Variants in FGF21 observed in about 807,000 individuals in gnomAD.
FGF21 encodes the protein fibroblast growth factor 21.
FGF21 carries 13 observed loss-of-function variants against 13.4 expected under a neutral mutation model. The ratio of observed to expected loss-of-function variants is 0.97; its 90% confidence interval spans 0.63 to 1.54. FGF21 has a LOEUF of 1.54. Among genes scored for constraint, FGF21 ranks in the 40% most tolerant of loss-of-function variants. The pLI, the probability that FGF21 is intolerant of heterozygous loss-of-function variation, is 0.00. For missense variants in FGF21, 303 were observed against 272.4 expected (o/e 1.11, Z -0.79); for synonymous variants, 124 against 123.6 (o/e 1.00, Z -0.02).
chr19:48,756,833 TG>T, intron 2 of FGF21, 92 bp from the exon 3 acceptor site: 1 of 1,033,564 alleles, frequency 9.7e-7, no homozygotes, highest in Non-Finnish European at 1.5e-6. Flanking sequence ...CTCCCAGGGC[TG>T]GGACAGAGCC....
chr19:48,757,786 G>C, intron 3 of FGF21, 144 bp from the exon 4 acceptor site: 1 of 683,476 alleles, frequency 1.5e-6, no homozygotes, highest in Non-Finnish European at 2.4e-6. Context: ...GGAGAAACTA[G>C]GGTCTGGACC....
At chr19:48,755,809 C>G (rs2231860) in intron 1 of FGF21, 25 bp downstream of exon 1, 21 of 170,276 alleles carry the variant, frequency 1.2e-4, no homozygotes, top group Admixed American at 5.9e-4. Context: ...AGATCCTTCT[C>G]TCTGAGACTC....
chr19:48,756,247 A>G lies in FGF21; in HGVS notation c.11A>G (p.Asp4Gly). Residue 4 changes from aspartate to glycine, a missense_variant, in exon 2 of 4, where the codon GAC (aspartate) becomes GGC (glycine). Physicochemically the swap from Asp to Gly is moderately conservative, Grantham distance 94. Coordinates refer to ENST00000593756, the MANE Select transcript of FGF21 (RefSeq NM_019113.4). The stretch of plus-strand genomic sequence containing the variant: ...GGACCCGAGCCATTGATGGACTCGG[A>G]CGAGACCGGGTTCGAGCACTCAGGA... MDS[D>G]ETGFEHSGLW... 6.2e-7 allele frequency: 1 copy of G among 1,613,420 alleles called. No individual in the cohort carries two copies. The highest frequency in any genetic ancestry group is 1.7e-5 in the Admixed American group (1 of 59,998).
intron 3 of FGF21, among the ~76,000 whole-genome samples, 187 bp downstream of exon 3, chr19:48,757,216 G>A (rs922273566): frequency 6.6e-6 from 1 of 152,236 alleles, no homozygotes; most frequent in Non-Finnish European, 1.5e-5. Flanking sequence ...GGAAACTGAG[G>A]CCCAGGCCGG....
chr19:48,758,010 C>T lies in FGF21; in HGVS notation c.420C>T (p.His140=), dbSNP rs3745710. 0.078 allele frequency: 125,521 copies of T among 1,612,478 alleles called. 5,591 individuals are homozygous for T. The highest frequency in any genetic ancestry group is 0.12 in the Admixed American group (7,385 of 59,864). ...ACAATGTTTACCAGTCCGAAGCCCA[C>T]GGCCTCCCGCTGCACCTGCCAGGGA... ...DGYNVYQSEA[H]GLPLHLPGNK... is the part of the protein sequence containing the mutation. Residue 140 remains histidine, a synonymous_variant, in exon 4 of 4, where the codon CAC becomes CAT. Transcript: ENST00000593756.
At position 48,756,381 on chromosome 19, in the gene FGF21, C is replaced by A. The variant is rs1231357114; in HGVS notation, c.145C>A (p.Leu49Ile). ...CGGGGGCCAAGTCCGGCAGCGGTACCTCTACACAGATGATGCCCAGCAGAC... is the reference window on the plus strand; with the variant it reads ...CGGGGGCCAAGTCCGGCAGCGGTACATCTACACAGATGATGCCCAGCAGAC... Reference protein sequence around the residue: ...QFGGQVRQRYLYTDDAQQTEA... With the variant: ...QFGGQVRQRYIYTDDAQQTEA... Residue 49 changes from leucine (L) to isoleucine (I), a missense_variant, in exon 2 of 4, where the codon CTC (leucine) becomes ATC (isoleucine). Physicochemically the swap from Leu to Ile is conservative, Grantham distance 5. Transcript: ENST00000593756. The A allele has an allele frequency of 4.3e-6, 7 of 1,614,042 alleles. No homozygotes were observed. Among genetic ancestry groups the A allele is most frequent in the Non-Finnish European group, 5.9e-6 (7 of 1,180,034 alleles).
chr19:48,757,844 AG>A, intron 3 of FGF21, 85 bp from the exon 4 acceptor site: 1 of 1,334,784 alleles, frequency 7.5e-7, no homozygotes, highest in Non-Finnish European at 1.0e-6. Flanking sequence ...CCTGGGTCTG[AG>A]GGAGGCAGGG....
chr19:48,758,163 G>A lies in FGF21; in HGVS notation c.573G>A (p.Ser191=), dbSNP rs151216283. 6.5e-4 allele frequency: 1,042 copies of A among 1,612,150 alleles called. No homozygotes were observed. Among genetic ancestry groups the A allele is most frequent in the Admixed American group, 1.7e-3 (104 of 59,962 alleles). ...LAPQPPDVGS[S]DPLSMVGPSQ... is the part of the protein sequence containing the mutation. The stretch of plus-strand genomic sequence containing the variant: ...CCCAGCCCCCCGATGTGGGCTCCTC[G>A]GACCCTCTGAGCATGGTGGGACCTT... Residue 191 remains serine, a synonymous_variant, in exon 4 of 4, where the codon TCG becomes TCA. Coordinates refer to ENST00000593756, the MANE Select transcript of FGF21 (RefSeq NM_019113.4).
rs944316773 is a variant in FGF21 at position 48,756,088 on chromosome 19, T to G, written c.-149T>G. 2.5e-5 allele frequency: 16 copies of G among 633,304 alleles called. No individual in the cohort carries two copies. The African/African-American group carries it at 2.8e-4, about 11-fold the overall frequency. The allele number at this position is 633,304 out of a possible 1,614,324, so 39.2% of individuals were successfully genotyped here. A position where few individuals can be genotyped will look rare whatever the true frequency, so the allele number is the denominator to read the frequency against. ...TCTATCCCAAAAAACAAGGGTGTTC[T>G]GTCAGCTGAGGATCCAGCCGAAAGA... On this transcript the variant is annotated 5_prime_UTR_variant, in exon 2 of 4. Coordinates refer to ENST00000593756, the MANE Select transcript of FGF21 (RefSeq NM_019113.4).
intron 2 of FGF21, among the ~76,000 whole-genome samples, chr19:48,756,724 G>A (rs1163364604): frequency 6.6e-6 from 1 of 151,722 alleles, no homozygotes; most frequent in Non-Finnish European, 1.5e-5. Context: ...GTTTGAAGGA[G>A]GAAGGGCTGG....
Position 48,756,445 on chromosome 19 carries a change from G to A in FGF21, c.209G>A (p.Gly70Glu). The A allele has an allele frequency of 6.2e-7, 1 of 1,613,436 alleles. No individual in the cohort carries two copies. Among genetic ancestry groups the A allele is most frequent in the East Asian group, 2.2e-5 (1 of 44,880 alleles). The change falls in exon 2 of 4, where the codon GGG becomes GAG. Residue 70 changes from glycine to glutamate, a missense_variant. Physicochemically the swap from Gly to Glu is moderately conservative, Grantham distance 98. Transcript: ENST00000593756. ...HLEIREDGTV[G>E]GAADQSPESL... ...GAGATCAGGGAGGATGGGACGGTGG[G>A]GGGCGCTGCTGACCAGAGCCCCGAA...
Position 48,756,008 on chromosome 19 carries a change from C to T in FGF21, c.-229C>T, listed in dbSNP as rs559727686. ...AATGGGTCAAATATCATGGTTCAGG[C>T]GCAGGGAGGGTGATTGGGCGGGCCT... On this transcript the variant is annotated 5_prime_UTR_variant, in exon 2 of 4. Coordinates refer to ENST00000593756, the MANE Select transcript of FGF21 (RefSeq NM_019113.4). 2.6e-4 allele frequency: 143 copies of T among 555,322 alleles called. No homozygotes were observed. Among genetic ancestry groups the T allele is most frequent in the Non-Finnish European group, 3.3e-4 (103 of 310,928 alleles). The allele number at this position is 555,322 out of a possible 1,614,324, so 34.4% of individuals were successfully genotyped here.
chr19:48,756,638 C>G (rs1319851752), intron 2 of FGF21, among the ~76,000 whole-genome samples, 167 bp downstream of exon 2: 7 of 117,568 alleles, frequency 6.0e-5, no homozygotes, highest in Non-Finnish European at 1.2e-4. Context: ...ATCTGGGCCC[C>G]TGGGTCTGAG....
At position 48,756,938 on chromosome 19, in the gene FGF21, T is replaced by C; in HGVS notation, c.248T>C (p.Leu83Pro). 1 of 1,614,000 alleles carries C rather than the reference T, an allele frequency of 6.2e-7. No homozygotes were observed. The highest frequency in any genetic ancestry group is 8.5e-7 in the Non-Finnish European group (1 of 1,179,906). Residue 83 changes from leucine (L) to proline (P), a missense_variant, in exon 3 of 4, where the codon CTG (leucine) becomes CCG (proline). By Grantham distance (98) the Leu-to-Pro change is moderately conservative. Transcript: ENST00000593756. ...TTTCACCCCTTAGGTCTCCTGCAGC[T>C]GAAAGCCTTGAAGCCGGGAGTTATT... is the stretch of plus-strand genomic sequence containing the variant. ...ADQSPESLLQ[L>P]KALKPGVIQI...
Position 48,757,965 on chromosome 19 carries a change from G to A in FGF21, c.375G>A (p.Glu125=). The A allele has an allele frequency of 6.3e-7, 1 of 1,592,282 alleles. No homozygotes were observed. The highest frequency in any genetic ancestry group is 8.6e-7 in the Non-Finnish European group (1 of 1,168,976). The change falls in exon 4 of 4, where the codon GAG becomes GAA. Residue 125 remains glutamate (E), a synonymous_variant. Coordinates refer to ENST00000593756, the MANE Select transcript of FGF21 (RefSeq NM_019113.4). ...ACCCTGAGGCCTGCAGCTTCCGGGAGCTGCTTCTTGAGGACGGATACAATG... is the reference window on the plus strand; with the variant it reads ...ACCCTGAGGCCTGCAGCTTCCGGGAACTGCTTCTTGAGGACGGATACAATG... ...HFDPEACSFR[E]LLLEDGYNVY...
At chr19:48,756,554 GC>G in intron 2 of FGF21, 83 bp downstream of exon 2, 1 of 1,355,594 alleles carries the variant, frequency 7.4e-7, no homozygotes, top group Non-Finnish European at 1.0e-6. Flanking sequence ...GGGGCTGGGG[GC>G]CTTGGCCCCT....
intron 3 of FGF21, 106 bp from the exon 4 acceptor site, chr19:48,757,824 G>T: frequency 9.0e-7 from 1 of 1,105,392 alleles, no homozygotes; most frequent in South Asian, 1.6e-5. Flanking sequence ...AGGCGCTGGG[G>T]GCCTGGACCC....
At position 48,756,009 on chromosome 19, in the gene FGF21, G is replaced by A. The variant is rs187821958; in HGVS notation, c.-228G>A. The A allele has an allele frequency of 3.4e-5, 19 of 555,420 alleles. No individual in the cohort carries two copies. Among genetic ancestry groups the A allele is most frequent in the South Asian group, 4.5e-5 (2 of 44,152 alleles). 34.4% of individuals were successfully genotyped at this position (555,420 alleles called of 1,614,324 possible). On this transcript the variant is annotated 5_prime_UTR_variant, in exon 2 of 4. Transcript: ENST00000593756. ...ATGGGTCAAATATCATGGTTCAGGC[G>A]CAGGGAGGGTGATTGGGCGGGCCTG...
chr19:48,757,806 G>C, intron 3 of FGF21, 124 bp from the exon 4 acceptor site: 1 of 882,564 alleles, frequency 1.1e-6, no homozygotes, highest in African/African-American at 1.8e-5. Flanking sequence ...CCCTGGGTCT[G>C]AGGGAGGAGG....
Sources: gnomAD v4.1 joint callset for allele counts (sites outside exome capture counted in the v4.1 genomes callset) on GRCh38, gnomAD v4.1.1 for gene constraint, MANE v1.5 for transcripts, NCBI Gene and HGNC (gene_info 2026-07-23, HGNC 2026-07-21) for gene names.